Variants in TMEM223 observed in about 807,000 individuals in gnomAD.
TMEM223 encodes the protein transmembrane protein 223.
Under a neutral mutation model 14.1 loss-of-function variants are expected in TMEM223, and 14 were observed. That is an observed-to-expected ratio of 0.99 (90% CI 0.66 to 1.55). The LOEUF is 1.55. Among genes scored for constraint, TMEM223 ranks in the 40% most tolerant of loss-of-function variants. TMEM223 has a pLI of 0.00. For missense variants in TMEM223, 346 were observed against 269.9 expected (o/e 1.28, Z -1.97); for synonymous variants, 145 against 120.5 (o/e 1.20, Z -1.33).
At chr11:62,775,505 A>G (rs2084179805) in intron 1 of TMEM223, 1 of 380,694 alleles carries the variant, frequency 2.6e-6, no homozygotes, top group Non-Finnish European at 4.8e-6. Flanking sequence ...GCCTTGGCCA[A>G]ATTCACATAG....
At chr11:62,772,852 C>CT (rs35555640) in intron 2 of TMEM223, among the ~76,000 whole-genome samples, 19 of 142,586 alleles carry the variant, frequency 1.3e-4, no homozygotes, top group East Asian at 4.2e-4. Context: ...TTTAGAAGAT[C>CT]TTTTTTTTTT....
At chr11:62,787,306 C>G (rs747125135), downstream of TMEM223, 13 of 1,529,304 alleles carry the variant, frequency 8.5e-6, no homozygotes, top group Middle Eastern at 1.7e-4. Flanking sequence ...AGTCAGTGGC[C>G]CCTTCGTTCC....
chr11:62,771,328 A>C (rs2084144811), downstream of TMEM223: 1 of 152,584 alleles, frequency 6.6e-6, no homozygotes, highest in Non-Finnish European at 1.5e-5. Flanking sequence ...AGCCTCCTGG[A>C]GGGCCGGAAA....
chr11:62,778,250 C>T lies in TMEM223; in HGVS notation c.315-3585G>A, dbSNP rs547007206. The T allele has an allele frequency of 5.5e-5, 88 of 1,614,038 alleles. 1 individual carries two copies. Among genetic ancestry groups the T allele is most frequent in the Non-Finnish European group, 6.0e-5 (71 of 1,179,960 alleles). On this transcript the variant is annotated intron_variant, in intron 1 of 2. Transcript: ENST00000528367. ...GTAGGCGGTACTCTAAGGGGCAAAA[C>T]GCCAGGCTGACACATCTCTCTGCAC...
chr11:62,773,306 C>T (rs2084163269), intron 2 of TMEM223, among the ~76,000 whole-genome samples: 1 of 151,680 alleles, frequency 6.6e-6, no homozygotes, highest in African/African-American at 2.4e-5. Flanking sequence ...GACCACCATG[C>T]CTAGCTAATT....
In TMEM223 at chr11:62,791,969, G is replaced by C; in HGVS notation, c.26C>G (p.Pro9Arg). The C allele has an allele frequency of 1.9e-6, 3 of 1,563,592 alleles. No homozygotes were observed. Among genetic ancestry groups the C allele is most frequent in the African/African-American group, 1.4e-5 (1 of 73,856 alleles). The change falls in exon 1 of 2, where the codon CCC (proline) becomes CGC (arginine). Residue 9 changes from proline (P) to arginine (R), a missense_variant. Coordinates refer to ENST00000307366, the MANE Select transcript of TMEM223 (RefSeq NM_001080501.3). ...CCGCAGCACGGCTAGCAGCCCCGTG[G>C]GCCATCGCCTCCAAGGCGCCGCCAT... MAAPWRRW[P>R]TGLLAVLRPL...
At chr11:62,789,334 A>T (rs1457851858), downstream of TMEM223, 8 of 1,613,544 alleles carry the variant, frequency 5.0e-6, no homozygotes, top group Non-Finnish European at 6.8e-6. Context: ...TCTCAGCTAT[A>T]GCCGTCTTCC....
chr11:62,776,244 G>C (rs1435608008), intron 1 of TMEM223: 12 of 831,168 alleles, frequency 1.4e-5, no homozygotes, highest in Non-Finnish European at 2.0e-5. Context: ...TTGTACAGGA[G>C]CAGAGACGGA....
downstream of TMEM223, chr11:62,787,133 C>A: frequency 6.4e-7 from 1 of 1,562,614 alleles, no homozygotes; most frequent in Non-Finnish European, 8.6e-7. Context: ...GGGCGGCAGG[C>A]TGGGAGGCGC....
chr11:62,781,881 C>T, intron 1 of TMEM223: 14 of 1,613,722 alleles, frequency 8.7e-6, no homozygotes, highest in Non-Finnish European at 1.1e-5. Context: ...GCAGTCTGGG[C>T]CCTTCCTTTT....
chr11:62,789,458 G>T, downstream of TMEM223: 1 of 1,613,284 alleles, frequency 6.2e-7, no homozygotes. Flanking sequence ...CCTGGCTGGG[G>T]CTGACTACCT....
intron 1 of TMEM223, among the ~76,000 whole-genome samples, chr11:62,779,970 A>ATTTT (rs1263442687): frequency 1.1e-4 from 7 of 64,416 alleles, no homozygotes; most frequent in African/African-American, 3.2e-4. Context: ...ATATATATAT[A>ATTTT]TATATATTTT....
chr11:62,789,970 C>A (rs763026463), downstream of TMEM223: 1 of 1,613,974 alleles, frequency 6.2e-7, no homozygotes, highest in South Asian at 1.1e-5. Flanking sequence ...CACCCCATAC[C>A]GGCCTCTGGA....
Position 62,790,092 on chromosome 11 carries a change from GT to G in TMEM223, c.*530del. 6.5e-7 allele frequency: 1 copy of G among 1,531,054 alleles called. No individual in the cohort carries two copies. Among genetic ancestry groups the G allele is most frequent in the Non-Finnish European group, 8.8e-7 (1 of 1,138,380 alleles). The allele number at this position is 1,531,054 out of a possible 1,614,324, so 94.8% of individuals were successfully genotyped here. A position where few individuals can be genotyped will look rare whatever the true frequency, so the allele number is the denominator to read the frequency against. On this transcript the variant is annotated 3_prime_UTR_variant, in exon 2 of 2. Transcript: ENST00000307366. Reference sequence around the variant, plus strand: ...CTGCAGCCGAAGACTCCATGCCCAAGTGCCTGTAATCCCCCCCCTCAAGGCC... The same window carrying G: ...CTGCAGCCGAAGACTCCATGCCCAAGGCCTGTAATCCCCCCCCTCAAGGCC...
intron 1 of TMEM223, chr11:62,778,385 G>C (rs1376395532): frequency 6.2e-7 from 1 of 1,607,248 alleles, no homozygotes. Flanking sequence ...TTCTCCCTTA[G>C]GTTCTGAGGG....
In TMEM223 at chr11:62,781,916, C is replaced by T. The variant is rs748109811; in HGVS notation, c.315-7251G>A. 166 of 1,614,140 alleles carry T rather than the reference C, an allele frequency of 1.0e-4. No individual in the cohort carries two copies. In the Middle Eastern group the frequency reaches 2.8e-3, roughly 27 times the overall value. ...TAGGTTGCACTCCAGGACTTGCAGA[C>T]GAACTCCAAGATTGGGGCACTCCTG... On this transcript the variant is annotated intron_variant, in intron 1 of 2. Transcript: ENST00000528367.
At chr11:62,787,467 G>C (rs1175568173), downstream of TMEM223, 2 of 1,575,916 alleles carry the variant, frequency 1.3e-6, no homozygotes, top group Non-Finnish European at 8.6e-7. Flanking sequence ...TCGAGCTTGC[G>C]CTCTTTGCTG....
At chr11:62,772,290 G>C (rs1482298674) in intron 2 of TMEM223, among the ~76,000 whole-genome samples, 1 of 152,098 alleles carries the variant, frequency 6.6e-6, no homozygotes, top group Non-Finnish European at 1.5e-5. Flanking sequence ...GGGAGGCCGA[G>C]GCACCTGGAT....
intron 2 of TMEM223, chr11:62,774,581 G>C (rs751034826): frequency 2.0e-5 from 9 of 454,520 alleles, no homozygotes; most frequent in Non-Finnish European, 4.0e-5. Context: ...TCACTTTGGC[G>C]CACGGGAGCC....
Sources: allele counts gnomAD v4.1 joint callset (sites outside exome capture counted in the v4.1 genomes callset), GRCh38; gene constraint gnomAD v4.1.1; transcripts MANE v1.5; gene names NCBI Gene and HGNC (gene_info 2026-07-23, HGNC 2026-07-21).